The following OSBPL10 variants were observed in gnomAD, a reference collection of about 807,000 sequenced individuals.
OSBPL10 encodes the protein oxysterol binding protein like 10, also known as oxysterol-binding protein-related protein 10.
A neutral mutation model predicts 81.7 loss-of-function variants in OSBPL10; 49 were observed. That is an observed-to-expected ratio of 0.60 (90% CI 0.48 to 0.76). The LOEUF (loss-of-function observed/expected upper bound fraction) is 0.76. Among genes scored for constraint, OSBPL10 ranks in the 30% least tolerant of loss-of-function variants. The probability of loss-of-function intolerance (pLI) is 0.00; values close to 1 mark genes in which losing one functional copy is unlikely to be tolerated. For synonymous variants in OSBPL10, 419 were observed against 383.6 expected (o/e 1.09, Z -1.08); for missense variants, 923 against 987.8 (o/e 0.93, Z 0.88).
intron 1 of OSBPL10, among the ~76,000 whole-genome samples, chr3:31,980,680 G>A (rs1329174664): frequency 6.6e-6 from 1 of 152,178 alleles, no homozygotes; most frequent in Non-Finnish European, 1.5e-5. Context: ...CCGCCACTGC[G>A]GTGCGGTCCC....
chr3:31,942,534 CAAAAAA>C lies in OSBPL10; in HGVS notation c.281+38359_281+38364del, dbSNP rs34915200. Among the ~76,000 whole-genome samples, 3 of 79,748 alleles carry C rather than the reference CAAAAAA, an allele frequency of 3.8e-5. No individual in the cohort carries two copies. The South Asian group carries it at 1.4e-3, about 38-fold the overall frequency. The allele number at this position is 79,748 out of a possible 152,430, so 52.3% of individuals were successfully genotyped here. A position where few individuals can be genotyped will look rare whatever the true frequency, so the allele number is the denominator to read the frequency against. ...TGGGCGACAGGGTGAGACTCCATCTCAAAAAAAAAAAAAAAAAAAAAGTGACACATT... is the reference window on the plus strand; with the variant it reads ...TGGGCGACAGGGTGAGACTCCATCTCAAAAAAAAAAAAAAAGTGACACATT... On this transcript the variant is annotated intron_variant, in intron 1 of 11. Coordinates refer to ENST00000396556, the MANE Select transcript of OSBPL10 (RefSeq NM_017784.5).
chr3:31,929,710 T>C (rs553985991), intron 1 of OSBPL10, among the ~76,000 whole-genome samples: 2 of 148,216 alleles, frequency 1.3e-5, no homozygotes, highest in African/African-American at 5.0e-5. Context: ...ATAGCGCCAC[T>C]GGACTCCAGC....
At chr3:31,812,718 AAAAGAAAGAAAGAAAG>A (rs140026828) in intron 4 of OSBPL10, among the ~76,000 whole-genome samples, 459 of 41,638 alleles carry the variant, frequency 0.011, 1 homozygote, top group South Asian at 0.016. Context: ...TAGGCAAAAA[AAAAGAAAGAAAGAAAG>A]AAAGAAAGAA....
chr3:31,698,161 T>C (rs1173466129), intron 7 of OSBPL10, among the ~76,000 whole-genome samples: 1 of 151,750 alleles, frequency 6.6e-6, no homozygotes, highest in East Asian at 1.9e-4. Context: ...CCTTTAAAAA[T>C]ACAACTAAGC....
intron 2 of OSBPL10, among the ~76,000 whole-genome samples, chr3:31,992,181 AG>A (rs1286507448): frequency 2.0e-5 from 3 of 151,804 alleles, no homozygotes; most frequent in African/African-American, 4.8e-5. Flanking sequence ...AGTGTGGTGT[AG>A]GCAAAAAGTA....
chr3:31,984,511 G>C (rs1698906357), upstream of OSBPL10, among the ~76,000 whole-genome samples: 1 of 152,132 alleles, frequency 6.6e-6, no homozygotes, highest in Non-Finnish European at 1.5e-5. Context: ...TTACCAGACT[G>C]GGTGGTGGCA....
At chr3:31,760,809 T>A (rs1327434706) in intron 4 of OSBPL10, among the ~76,000 whole-genome samples, 1 of 152,236 alleles carries the variant, frequency 6.6e-6, no homozygotes, top group Non-Finnish European at 1.5e-5. Flanking sequence ...ATCACATAAA[T>A]ATGCCACAAC....
chr3:31,899,851 G>A (rs1454565122), intron 1 of OSBPL10, among the ~76,000 whole-genome samples: 1 of 151,802 alleles, frequency 6.6e-6, no homozygotes, highest in Non-Finnish European at 1.5e-5. Context: ...GAGTATGATG[G>A]CACACACCTG....
intron 4 of OSBPL10, among the ~76,000 whole-genome samples, chr3:31,821,843 G>A (rs1286848911): frequency 1.3e-5 from 2 of 152,172 alleles, no homozygotes; most frequent in African/African-American, 4.8e-5. Flanking sequence ...AAATTGATCA[G>A]CTAATAAAAT....
chr3:32,025,241 G>C (rs1180652358), intron 2 of OSBPL10, among the ~76,000 whole-genome samples: 1 of 152,172 alleles, frequency 6.6e-6, no homozygotes, highest in Non-Finnish European at 1.5e-5. Flanking sequence ...CTGCATCTGT[G>C]AAGATGATCA....
chr3:31,826,254 C>A (rs998476308), intron 4 of OSBPL10, among the ~76,000 whole-genome samples: 2 of 152,138 alleles, frequency 1.3e-5, no homozygotes, highest in Non-Finnish European at 2.9e-5. Context: ...TTTCTTAATA[C>A]CCCACCAATA....
intron 1 of OSBPL10, among the ~76,000 whole-genome samples, chr3:31,929,747 C>CAA (rs11328456): frequency 5.9e-5 from 7 of 119,084 alleles, no homozygotes; most frequent in East Asian, 2.5e-4. Flanking sequence ...GACTCTGTCT[C>CAA]AAAAAAAAAA....
chr3:31,780,538 T>C (rs746047084), intron 4 of OSBPL10, among the ~76,000 whole-genome samples: 6 of 145,888 alleles, frequency 4.1e-5, no homozygotes, highest in African/African-American at 7.6e-5. Flanking sequence ...TTTGAAAAGA[T>C]AAACAAAATT....
intron 1 of OSBPL10, among the ~76,000 whole-genome samples, chr3:31,910,978 C>T (rs1696557537): frequency 6.6e-6 from 1 of 152,200 alleles, no homozygotes; most frequent in Admixed American, 6.5e-5. Context: ...TTCTGCCACA[C>T]CTGGGCTGTT....
At chr3:31,761,723 G>A (rs930066746) in intron 4 of OSBPL10, among the ~76,000 whole-genome samples, 2 of 150,540 alleles carry the variant, frequency 1.3e-5, no homozygotes, top group African/African-American at 5.0e-5. Flanking sequence ...ACTGAGGCAG[G>A]AGAATCACTT....
At position 31,733,356 on chromosome 3, in the gene OSBPL10, A is replaced by C; in HGVS notation, c.996T>G (p.Asn332Lys). 1 of 1,613,950 alleles carries C rather than the reference A, an allele frequency of 6.2e-7. No individual in the cohort carries two copies. Among genetic ancestry groups the C allele is most frequent in the Non-Finnish European group, 8.5e-7 (1 of 1,179,968 alleles). ...CTGATGGCAAAGAGCCAAGTGTCCC[A>C]TTTTTCAGCTGCTCTGTGGAATGTG... ...SKSHSTEQLK[N>K]GTLGSLPSAS... The change falls in exon 6 of 12, where the codon AAT (asparagine) becomes AAG (lysine). Residue 332 changes from asparagine to lysine, a missense_variant. Around this residue, in one of 3 missense-constraint regions of OSBPL10, gnomAD observed 514 missense variants for 508.0 expected, o/e 1.01. Coordinates refer to ENST00000396556, the MANE Select transcript of OSBPL10 (RefSeq NM_017784.5).
intron 1 of OSBPL10, among the ~76,000 whole-genome samples, chr3:31,972,768 C>G (rs946217464): frequency 2.0e-5 from 3 of 152,166 alleles, no homozygotes; most frequent in Non-Finnish European, 2.9e-5. Context: ...GGTTGCCTTT[C>G]AACTCTTTGT....
chr3:31,944,649 T>G (rs906848814), intron 1 of OSBPL10, among the ~76,000 whole-genome samples: 4 of 150,980 alleles, frequency 2.6e-5, no homozygotes, highest in Non-Finnish European at 4.4e-5. Context: ...CTATAATACA[T>G]AATGCCTATA....
chr3:31,748,962 A>G (rs1697626840), intron 4 of OSBPL10, among the ~76,000 whole-genome samples: 1 of 152,232 alleles, frequency 6.6e-6, no homozygotes, highest in South Asian at 2.1e-4. Flanking sequence ...ATGTACATAA[A>G]GTGCTTCGGC....
Sources: gnomAD v4.1 joint callset for allele counts (sites outside exome capture counted in the v4.1 genomes callset) on GRCh38, gnomAD v4.1.1 for gene constraint, gnomAD v4.1.1 regional missense constraint, MANE v1.5 for transcripts, NCBI Gene and HGNC (gene_info 2026-07-23, HGNC 2026-07-21) for gene names.